The following PLA1A variants were observed in gnomAD, a reference collection of about 807,000 sequenced individuals.
PLA1A encodes phosphatidylserine-specific phospholipase A1alpha.
PLA1A carries 47 observed loss-of-function variants against 49.4 expected under a neutral mutation model. That is an observed-to-expected ratio of 0.95 (90% CI 0.75 to 1.21). The LOEUF (loss-of-function observed/expected upper bound fraction) is 1.21. Among genes scored for constraint, PLA1A ranks in the 50% most tolerant of loss-of-function variants. The pLI, the probability that PLA1A is intolerant of heterozygous loss-of-function variation, is 0.00. For missense variants in PLA1A, 561 were observed against 563.9 expected (o/e 0.99, Z 0.05); for synonymous variants, 224 against 207.9 (o/e 1.08, Z -0.67).
rs896710925 is a variant in PLA1A, at chr3:119,629,624, G to A, written c.*156G>A. The A allele has an allele frequency of 1.7e-6, 1 of 591,516 alleles. No individual in the cohort carries two copies. The highest frequency in any genetic ancestry group is 3.0e-6 in the Non-Finnish European group (1 of 332,260). The allele number at this position is 591,516 out of a possible 1,614,324, so 36.6% of individuals were successfully genotyped here. On this transcript the variant is annotated 3_prime_UTR_variant, in exon 11 of 11. Transcript: ENST00000273371. ...TTTCCTCATAATCAGCTACCCTGGA[G>A]GGGAGGGAGAACTCATTTTACAGAA...
chr3:119,600,467 C>T (rs1248608441), intron 1 of PLA1A: 1 of 700,194 alleles, frequency 1.4e-6, no homozygotes, highest in African/African-American at 1.7e-5. Context: ...TCTTACATCC[C>T]TATTTGCTGT....
At chr3:119,618,282 A>T in intron 7 of PLA1A, 96 bp downstream of exon 7, 1 of 1,057,444 alleles carries the variant, frequency 9.5e-7, no homozygotes, top group East Asian at 2.5e-5. Context: ...TATGGTCAAG[A>T]ATTCTATCCA....
At chr3:119,621,577 A>G (rs1169933614) in intron 8 of PLA1A, among the ~76,000 whole-genome samples, 2 of 152,252 alleles carry the variant, frequency 1.3e-5, no homozygotes, top group Non-Finnish European at 2.9e-5. Flanking sequence ...TGGGCAGAGG[A>G]TCTTCTACCA....
intron 1 of PLA1A, among the ~76,000 whole-genome samples, chr3:119,601,019 G>A (rs775893791): frequency 2.0e-5 from 3 of 152,184 alleles, no homozygotes; most frequent in Non-Finnish European, 4.4e-5. Flanking sequence ...GTGTCTTCCC[G>A]AGGAGCCTGG....
At chr3:119,629,315 C>A in intron 10 of PLA1A, 69 bp from the exon 11 acceptor site, 2 of 901,058 alleles carry the variant, frequency 2.2e-6, no homozygotes, top group African/African-American at 1.6e-5. Flanking sequence ...CATGGGAATT[C>A]AAAAGCCACA....
At chr3:119,617,577 T>C (rs2107792592) in intron 6 of PLA1A, among the ~76,000 whole-genome samples, 1 of 151,996 alleles carries the variant, frequency 6.6e-6, no homozygotes, top group Non-Finnish European at 1.5e-5. Context: ...ACCCTGTTTC[T>C]ATGAAAAATA....
intron 4 of PLA1A, among the ~76,000 whole-genome samples, chr3:119,612,088 G>A (rs1414403832): frequency 2.6e-5 from 4 of 152,166 alleles, no homozygotes; most frequent in Admixed American, 2.6e-4. Flanking sequence ...CCTTTTGGTG[G>A]GATAATTTTG....
chr3:119,610,608 T>TCTTTCAAGAAGTC (rs2082752259), intron 4 of PLA1A, among the ~76,000 whole-genome samples: 1 of 152,242 alleles, frequency 6.6e-6, no homozygotes, highest in African/African-American at 2.4e-5. Context: ...TTGTATGTCT[T>TCTTTCAAGAAGTC]CTTTCAAGAA....
intron 8 of PLA1A, among the ~76,000 whole-genome samples, chr3:119,622,587 T>A (rs12631518): frequency 6.6e-6 from 1 of 151,918 alleles, no homozygotes. Flanking sequence ...AACTTAGTGC[T>A]GAGTTCACCT....
Position 119,608,760 on chromosome 3 carries a change from C to T in PLA1A, c.276-10C>T. On this transcript the variant is annotated splice_polypyrimidine_tract_variant and intron_variant, in intron 2 of 10. Transcript: ENST00000273371. The stretch of plus-strand genomic sequence containing the variant: ...GTAATTTTTCCATTCTTTTTTGGCC[C>T]CCTGTCTAGGGTTTTAGGAACAAAG... 6 of 1,604,702 alleles carry T rather than the reference C, an allele frequency of 3.7e-6. No individual in the cohort carries two copies. The East Asian group carries it at 1.3e-4, about 36-fold the overall frequency.
At chr3:119,605,130 G>A (rs1419749447) in intron 1 of PLA1A, among the ~76,000 whole-genome samples, 1 of 152,138 alleles carries the variant, frequency 6.6e-6, no homozygotes, top group Non-Finnish European at 1.5e-5. Flanking sequence ...CCAAATGCTG[G>A]GGGAGGCTGA....
chr3:119,619,452 A>T, intron 7 of PLA1A, 111 bp from the exon 8 acceptor site: 1 of 764,430 alleles, frequency 1.3e-6, no homozygotes, highest in Non-Finnish European at 2.4e-6. Context: ...TGTATGGTGT[A>T]GATGTCCGTG....
Position 119,618,042 on chromosome 3 carries a change from C to A in PLA1A, c.778C>A (p.His260Asn). The A allele has an allele frequency of 6.2e-7, 1 of 1,612,120 alleles. No homozygotes were observed. Among genetic ancestry groups the A allele is most frequent in the Non-Finnish European group, 8.5e-7 (1 of 1,179,082 alleles). The change falls in exon 7 of 11, where the codon CAC becomes AAC. Residue 260 changes from histidine to asparagine, a missense_variant. His to Asn is a moderately conservative substitution (Grantham distance 68). Transcript: ENST00000273371. ...AGGTTATAGTTATCTGATCTGTGAT[C>A]ACATGAGGGCTGTGCACCTCTACAT... The part of the protein sequence containing the change: ...YAGYSYLICD[H>N]MRAVHLYISA...
intron 9 of PLA1A, among the ~76,000 whole-genome samples, chr3:119,625,781 C>A (rs997843232): frequency 6.6e-6 from 1 of 152,182 alleles, no homozygotes; most frequent in African/African-American, 2.4e-5. Context: ...TAGTCATTCC[C>A]TTCCTTTGTT....
At chr3:119,619,776 A>G (rs1171789731) in intron 8 of PLA1A, 124 bp downstream of exon 8, 3 of 737,382 alleles carry the variant, frequency 4.1e-6, no homozygotes, top group Admixed American at 4.2e-5. Context: ...GTGTGGCAAC[A>G]GCCCCTGGTC....
chr3:119,613,756 G>C (rs1207519604), intron 5 of PLA1A, among the ~76,000 whole-genome samples: 1 of 152,200 alleles, frequency 6.6e-6, no homozygotes, highest in Non-Finnish European at 1.5e-5. Flanking sequence ...AGCCGGGCGT[G>C]GTGGCGGGCG....
chr3:119,628,951 C>T, intron 10 of PLA1A, 86 bp downstream of exon 10: 1 of 1,031,572 alleles, frequency 9.7e-7, no homozygotes, highest in Non-Finnish European at 1.5e-6. Flanking sequence ...TATTGAGGTT[C>T]AATCTCATCA....
intron 4 of PLA1A, among the ~76,000 whole-genome samples, chr3:119,610,161 T>C (rs997711037): frequency 1.3e-5 from 2 of 152,256 alleles, no homozygotes; most frequent in African/African-American, 4.8e-5. Context: ...AATTTCATTC[T>C]TTTTTATAGC....
rs775929963 is a variant in PLA1A, at chr3:119,625,100, C to A, written c.1013-24C>A. 13 of 1,490,564 alleles carry A rather than the reference C, an allele frequency of 8.7e-6. No homozygotes were observed. In the East Asian group the frequency reaches 2.7e-4, roughly 31 times the overall value. The allele number at this position is 1,490,564 out of a possible 1,614,324, so 92.3% of individuals were successfully genotyped here. ...TTGCACCTTCTGCCCTCTGGCCAGT[C>A]TCTGTTGTGCTTTGGTTTCCTAGTG... On this transcript the variant is annotated intron_variant, in intron 8 of 10. Transcript: ENST00000273371.
Sources: allele counts gnomAD v4.1 joint callset (sites outside exome capture counted in the v4.1 genomes callset), GRCh38; gene constraint gnomAD v4.1.1; transcripts MANE v1.5; gene names NCBI Gene and HGNC (gene_info 2026-07-23, HGNC 2026-07-21).